The following AAMDC variants were observed in gnomAD, a reference collection of about 807,000 sequenced individuals.
AAMDC encodes the protein mth938 domain-containing protein.
Under a neutral mutation model 15.5 loss-of-function variants are expected in AAMDC, and 16 were observed. The ratio of observed to expected loss-of-function variants is 1.03; its 90% CI spans 0.70 to 1.57. The LOEUF (loss-of-function observed/expected upper bound fraction) is 1.57. Among genes scored for constraint, AAMDC ranks in the 40% most tolerant of loss-of-function variants. The probability of loss-of-function intolerance (pLI) is 0.00; values close to 1 mark genes in which losing one functional copy is unlikely to be tolerated. For synonymous variants in AAMDC, 51 were observed against 51.6 expected, an observed-to-expected ratio of 0.99 and a Z score of 0.05; for missense variants, 141 against 144.9, an observed-to-expected ratio of 0.97 and a Z score of 0.14.
intron 1 of AAMDC, among the ~76,000 whole-genome samples, chr11:77,823,838 C>T (rs1366629812): frequency 1.3e-5 from 2 of 151,888 alleles, no homozygotes; most frequent in Non-Finnish European, 2.9e-5. Flanking sequence ...GTGAACCTTG[C>T]CTGTACTTTC....
intron 2 of AAMDC, chr11:77,851,035 A>C (rs1950359191): frequency 7.1e-6 from 1 of 141,126 alleles, no homozygotes; most frequent in South Asian, 2.2e-4. Context: ...GGCTCACTGT[A>C]ACCTCCACCT....
At chr11:77,905,905 TGA>T (rs1396541427) in intron 3 of AAMDC, among the ~76,000 whole-genome samples, 1 of 152,230 alleles carries the variant, frequency 6.6e-6, no homozygotes, top group African/African-American at 2.4e-5. Context: ...ATTAGTAACC[TGA>T]GTGTTTATGC....
chr11:77,876,176 C>G (rs1279630273), downstream of AAMDC, among the ~76,000 whole-genome samples: 1 of 152,064 alleles, frequency 6.6e-6, no homozygotes, highest in African/African-American at 2.4e-5. Context: ...GGAAGGAATC[C>G]AACGTGCCAA....
chr11:77,903,504 G>A (rs1952842493), downstream of AAMDC: 1 of 1,608,474 alleles, frequency 6.2e-7, no homozygotes, highest in African/African-American at 1.3e-5. Flanking sequence ...TTACTGGACA[G>A]AGACCTATTT....
rs560554731 is a variant in AAMDC at position 77,888,664 on chromosome 11, T to C, written c.328+11615T>C. On this transcript the variant is annotated intron_variant, in intron 5 of 5. Coordinates refer to the AAMDC transcript ENST00000304716. ...CATACAAAATGGGAGAAAATTTTCG[T>C]AACCTACTCATCTGACAAAGGGCTA... Among the ~76,000 whole-genome samples the C allele has an allele frequency of 7.7e-3, 1,160 of 151,478 alleles. 18 individuals are homozygous for C. Among genetic ancestry groups the C allele is most frequent in the African/African-American group, 0.025 (1,030 of 40,882 alleles).
chr11:77,872,220 G>A lies in AAMDC; in HGVS notation c.274G>A (p.Val92Met), dbSNP rs2186564. The stretch of plus-strand genomic sequence containing the variant: ...GTACCTCAAGAAACATGGCATTGAT[G>A]TGCGGGTCCTCCAGACAGAGCAGGC... ...VEYLKKHGID[V>M]RVLQTEQAVK... Residue 92 changes from valine (V) to methionine (M), a missense_variant, in exon 4 of 4, where the codon GTG (valine) becomes ATG (methionine). Coordinates refer to ENST00000393427, the MANE Select transcript of AAMDC (RefSeq NM_024684.4). The A allele has an allele frequency of 0.12, 189,519 of 1,613,274 alleles. 12,203 individuals are homozygous for A. The highest frequency in any genetic ancestry group is 0.22 in the Admixed American group (13,238 of 59,862).
At chr11:77,848,185 G>A (rs1221274957) in intron 2 of AAMDC, among the ~76,000 whole-genome samples, 1 of 152,178 alleles carries the variant, frequency 6.6e-6, no homozygotes, top group African/African-American at 2.4e-5. Context: ...AGATACTTAT[G>A]TGGGACAGTG....
At chr11:77,831,687 T>G (rs2136073815) in intron 1 of AAMDC, among the ~76,000 whole-genome samples, 1 of 148,902 alleles carries the variant, frequency 6.7e-6, no homozygotes. Context: ...TCACATTACT[T>G]AGGTATCTTT....
chr11:77,823,491 G>A (rs1027938968), intron 1 of AAMDC, among the ~76,000 whole-genome samples: 1 of 151,572 alleles, frequency 6.6e-6, no homozygotes, highest in African/African-American at 2.4e-5. Context: ...AGCACTCTGG[G>A]AGGCCGAGCA....
At chr11:77,848,419 G>A (rs758295639) in intron 2 of AAMDC, among the ~76,000 whole-genome samples, 1 of 150,794 alleles carries the variant, frequency 6.6e-6, no homozygotes, top group Non-Finnish European at 1.5e-5. Flanking sequence ...AGTGCAGGGC[G>A]TGATCTCGGC....
chr11:77,853,305 G>C (rs910515707), intron 2 of AAMDC, among the ~76,000 whole-genome samples: 9 of 152,260 alleles, frequency 5.9e-5, no homozygotes, highest in African/African-American at 4.8e-5. Flanking sequence ...CATTGGCTCA[G>C]GTTTCCATAG....
At chr11:77,879,130 G>A in intron 5 of AAMDC, 1 of 1,610,708 alleles carries the variant, frequency 6.2e-7, no homozygotes. Context: ...GCATGCCTCT[G>A]AAAAAAAGAT....
At position 77,842,728 on chromosome 11, in the gene AAMDC, CTTTT is replaced by C. The variant is rs551027803; in HGVS notation, c.132+102_132+105del. The C allele has an allele frequency of 1.5e-4, 227 of 1,495,444 alleles. No individual in the cohort carries two copies. The African/African-American group carries it at 3.0e-3, about 20-fold the overall frequency. 92.6% of individuals were successfully genotyped at this position (1,495,444 alleles called of 1,614,324 possible). ...AAGTGAAAAACTATTTCTCTTGTGT[CTTTT>C]TGAGATATAATTCATATACCATTAA... On this transcript the variant is annotated intron_variant, in intron 2 of 3. Coordinates refer to ENST00000393427, the MANE Select transcript of AAMDC (RefSeq NM_024684.4).
intron 5 of AAMDC, among the ~76,000 whole-genome samples, chr11:77,893,861 C>T (rs566448916): frequency 2.0e-5 from 3 of 150,176 alleles, no homozygotes; most frequent in Non-Finnish European, 3.0e-5. Flanking sequence ...CCACTGTACT[C>T]CAGCCTGGGT....
intron 1 of AAMDC, among the ~76,000 whole-genome samples, 170 bp downstream of exon 1, chr11:77,821,411 G>T (rs1001179460): frequency 4.6e-5 from 7 of 152,130 alleles, no homozygotes; most frequent in Non-Finnish European, 1.0e-4. Context: ...TGGGACCTCG[G>T]TAAGATGTCT....
intron 1 of AAMDC, among the ~76,000 whole-genome samples, chr11:77,824,930 TTC>T (rs1949098812): frequency 1.3e-5 from 2 of 152,204 alleles, no homozygotes; most frequent in South Asian, 4.2e-4. Context: ...TTATACACAT[TTC>T]TGTCTCCTTC....
In AAMDC at chr11:77,821,256, G is replaced by GCCC; in HGVS notation, c.-19+15_-19+16insCCC. 4.3e-6 allele frequency: 1 copy of GCCC among 230,074 alleles called. No individual in the cohort carries two copies. Among genetic ancestry groups the GCCC allele is most frequent in the Non-Finnish European group, 8.4e-6 (1 of 118,904 alleles). 14.3% of individuals were successfully genotyped at this position (230,074 alleles called of 1,614,324 possible). ...CAGTGCGGTGGGTGAGTTTGCGGGG[G>GCCC]AATCCTGAAACTGGGCCACGAGATG... On this transcript the variant is annotated intron_variant, in intron 1 of 3. Transcript: ENST00000393427.
downstream of AAMDC, among the ~76,000 whole-genome samples, chr11:77,902,508 G>T (rs1178544447): frequency 6.6e-6 from 1 of 152,138 alleles, no homozygotes; most frequent in African/African-American, 2.4e-5. Flanking sequence ...GGGTATCAGA[G>T]GATCTGGTCT....
intron 2 of AAMDC, among the ~76,000 whole-genome samples, chr11:77,866,034 C>T (rs1481685052): frequency 1.3e-5 from 2 of 152,224 alleles, no homozygotes; most frequent in East Asian, 1.9e-4. Context: ...TTAAACTTCA[C>T]TCACAGAATC....
Sources: allele counts gnomAD v4.1 joint callset (sites outside exome capture counted in the v4.1 genomes callset), GRCh38; gene constraint gnomAD v4.1.1; transcripts MANE v1.5; gene names NCBI Gene and HGNC (gene_info 2026-07-23, HGNC 2026-07-21).